The following DMD variants were observed in gnomAD, a reference collection of about 807,000 sequenced individuals.
The protein encoded by DMD is dystrophin, also known as mutant dystrophin.
DMD carries 63 observed loss-of-function variants against 330.1 expected under a neutral mutation model. The observed-to-expected ratio is 0.19, with a 90% CI of 0.16 to 0.24. The LOEUF is 0.24. Among genes scored for constraint, DMD ranks in the 10% least tolerant of loss-of-function variants. The pLI is 1.00. For missense variants in DMD, 3,344 were observed against 2,684.1 expected (o/e 1.25, Z -5.43); for synonymous variants, 1,223 against 959.8 (o/e 1.27, Z -5.07).
At chrX:31,360,056 C>A (rs1276821124) in intron 60 of DMD, among the ~76,000 whole-genome samples, 2 of 106,851 alleles carry the variant, frequency 1.9e-5, no homozygotes, top group African/African-American at 7.1e-5. Flanking sequence ...GTAGAATGAG[C>A]AATTTTTTTT....
chrX:31,828,810 G>T (rs779960013), intron 49 of DMD, among the ~76,000 whole-genome samples: 83 of 110,938 alleles, frequency 7.5e-4, no homozygotes, highest in African/African-American at 2.7e-3. Flanking sequence ...AAGAAGAATT[G>T]GTACCAATTA....
intron 7 of DMD, among the ~76,000 whole-genome samples, chrX:32,803,422 ATTGAGT>A (rs1167956699): frequency 9.7e-6 from 1 of 102,996 alleles, no homozygotes; most frequent in African/African-American, 4.0e-5. Context: ...CAGCTCCTGA[ATTGAGT>A]TTTTTTTTTT....
At chrX:32,316,795 G>A (rs1247067467) in intron 41 of DMD, among the ~76,000 whole-genome samples, 6 of 110,398 alleles carry the variant, frequency 5.4e-5, no homozygotes, top group Admixed American at 1.9e-4. Flanking sequence ...CCAGACATTT[G>A]GAGATCTAGT....
chrX:32,807,122 T>TA (rs999286386), intron 7 of DMD, among the ~76,000 whole-genome samples: 1,629 of 20,691 alleles, frequency 0.079, 139 homozygotes, highest in East Asian at 0.11. Context: ...CGGAAACATT[T>TA]AAAAAAAAAA....
chrX:32,838,161 G>A (rs890366443), intron 4 of DMD, among the ~76,000 whole-genome samples: 3 of 111,387 alleles, frequency 2.7e-5, no homozygotes, highest in African/African-American at 6.5e-5. Context: ...TGTGCGATAC[G>A]TTTTCGTTAT....
At chrX:32,165,841 G>T (rs1166107424) in intron 44 of DMD, among the ~76,000 whole-genome samples, 3 of 111,013 alleles carry the variant, frequency 2.7e-5, no homozygotes, top group African/African-American at 9.8e-5. Flanking sequence ...CCCCCATGCT[G>T]TTCTCATGAT....
chrX:33,050,487 G>C (rs1196815759), intron 1 of DMD, among the ~76,000 whole-genome samples: 1 of 111,796 alleles, frequency 8.9e-6, no homozygotes, highest in Non-Finnish European at 1.9e-5. Context: ...GAAATATTCT[G>C]AACGTGTGTA....
intron 1 of DMD, among the ~76,000 whole-genome samples, chrX:33,115,223 T>C (rs766437737): frequency 2.1e-4 from 23 of 112,189 alleles, no homozygotes; most frequent in Non-Finnish European, 3.8e-4. Flanking sequence ...TCTATAGTGA[T>C]AACAGCTGGT....
chrX:33,295,748 A>G (rs922184349), intron 1 of DMD, among the ~76,000 whole-genome samples: 2 of 111,221 alleles, frequency 1.8e-5, no homozygotes, highest in African/African-American at 6.5e-5. Context: ...ATCTACCATT[A>G]TTTCCACAGG....
At chrX:31,869,667 G>A (rs1335739805) in intron 48 of DMD, among the ~76,000 whole-genome samples, 1 of 109,017 alleles carries the variant, frequency 9.2e-6, no homozygotes, top group Non-Finnish European at 1.9e-5. Flanking sequence ...ATCTAAAGAA[G>A]CCCTGCAAGC....
At chrX:32,448,907 AAT>A (rs1449956040) in intron 26 of DMD, among the ~76,000 whole-genome samples, 1 of 111,056 alleles carries the variant, frequency 9.0e-6, no homozygotes, top group African/African-American at 3.3e-5. Flanking sequence ...TTTGTGGTCA[AAT>A]ATATACACAT....
chrX:32,546,723 G>C (rs1255177438), intron 16 of DMD, among the ~76,000 whole-genome samples: 4 of 111,190 alleles, frequency 3.6e-5, no homozygotes, highest in Non-Finnish European at 7.6e-5. Context: ...CCAAGCACAG[G>C]TTTTATCTTC....
chrX:32,108,654 A>G (rs1160101131), intron 44 of DMD, among the ~76,000 whole-genome samples: 1 of 111,963 alleles, frequency 8.9e-6, no homozygotes, highest in East Asian at 2.8e-4. Flanking sequence ...TTTCTCTGCT[A>G]TTGGTTTTAT....
intron 2 of DMD, among the ~76,000 whole-genome samples, chrX:32,916,736 T>C (rs17283456): frequency 0.34 from 37,553 of 110,514 alleles, 4,838 homozygotes; most frequent in East Asian, 0.62. Context: ...ACATGTGATC[T>C]TTGTTTTTTA....
At chrX:32,899,772 G>T (rs1404265255) in intron 2 of DMD, among the ~76,000 whole-genome samples, 2 of 111,089 alleles carry the variant, frequency 1.8e-5, no homozygotes, top group Non-Finnish European at 3.8e-5. Flanking sequence ...TATTGGTTCT[G>T]GTATAAATAA....
intron 17 of DMD, among the ~76,000 whole-genome samples, chrX:32,527,536 T>C (rs1489714809): frequency 9.1e-6 from 1 of 109,828 alleles, no homozygotes; most frequent in Non-Finnish European, 1.9e-5. Flanking sequence ...CCCTTTCAAC[T>C]TTCCTTCTGG....
At chrX:31,345,967 A>G (rs2148473420) in intron 61 of DMD, among the ~76,000 whole-genome samples, 1 of 111,511 alleles carries the variant, frequency 9.0e-6, no homozygotes, top group East Asian at 2.8e-4. Flanking sequence ...CAAAAAGACA[A>G]CAGCCAACTG....
intron 59 of DMD, among the ~76,000 whole-genome samples, chrX:31,474,712 A>AAAAAAAAAATAAAAT (rs1556654666): frequency 7.3e-5 from 7 of 96,028 alleles, no homozygotes; most frequent in African/African-American, 3.0e-4. Context: ...GTCGCAAAAA[A>AAAAAAAAAATAAAAT]AAAATAAAAT....
chrX:31,576,506 C>T (rs1317437597), intron 55 of DMD, among the ~76,000 whole-genome samples: 3 of 109,020 alleles, frequency 2.8e-5, no homozygotes, highest in African/African-American at 3.3e-5. Context: ...TTAATATGTA[C>T]GTTCTCAATT....
Sources: gnomAD v4.1 joint callset for allele counts (sites outside exome capture counted in the v4.1 genomes callset) on GRCh38, gnomAD v4.1.1 for gene constraint, MANE v1.5 for transcripts, NCBI Gene and HGNC (gene_info 2026-07-23, HGNC 2026-07-21) for gene names.